ANKRD11: variants seen among roughly 807,000 people sequenced by gnomAD.
ANKRD11 encodes ankyrin repeat domain-containing protein 11.
A neutral mutation model predicts 195.7 loss-of-function variants in ANKRD11; 17 were observed. The ratio of observed to expected loss-of-function variants is 0.09; its 90% CI spans 0.06 to 0.13. The LOEUF (loss-of-function observed/expected upper bound fraction) is 0.13, where lower values mean the gene tolerates loss of function less well. Among genes scored for constraint, ANKRD11 ranks in the 10% least tolerant of loss-of-function variants. ANKRD11 has a pLI of 1.00. For missense variants in ANKRD11, 3,735 were observed against 3,566.1 expected (o/e 1.05, Z -1.21); for synonymous variants, 1,953 against 1,528.1 (o/e 1.28, Z -6.49).
chr16:89,282,302 C>T lies in ANKRD11; in HGVS notation c.4240G>A (p.Asp1414Asn), dbSNP rs749292180. The change falls in exon 9 of 13, where the codon GAT becomes AAT. Residue 1414 changes from aspartate (D) to asparagine (N), a missense_variant. Asp to Asn is a conservative substitution (Grantham distance 23). Coordinates refer to ENST00000301030, the MANE Select transcript of ANKRD11 (RefSeq NM_013275.6). ...AATTCAATGGTTTTATCTAGCTCAT[C>T]TTCTATGTCAGCTTTCATGTTGTAA... ...VSYNMKADIE[D>N]ELDKTIELFS... is the part of the protein sequence containing the mutation. The T allele has an allele frequency of 1.9e-6, 3 of 1,613,642 alleles. 1 individual carries two copies. The South Asian group carries it at 3.3e-5, about 18-fold the overall frequency.
intron 2 of ANKRD11, among the ~76,000 whole-genome samples, chr16:89,384,879 C>T (rs199901096): frequency 0.025 from 1,260 of 49,824 alleles, 34 homozygotes; most frequent in African/African-American, 0.073. Context: ...AAATAGTTTT[C>T]TTTTTTTTTT....
At chr16:89,473,369 G>C (rs977903443) in intron 1 of ANKRD11, among the ~76,000 whole-genome samples, 1 of 152,186 alleles carries the variant, frequency 6.6e-6, no homozygotes, top group African/African-American at 2.4e-5. Flanking sequence ...GACTGGACTA[G>C]AGTAGAATTC....
chr16:89,418,905 G>T (rs528116980), intron 1 of ANKRD11, among the ~76,000 whole-genome samples: 99 of 151,992 alleles, frequency 6.5e-4, no homozygotes, highest in South Asian at 5.6e-3. Flanking sequence ...GAGTAGATGG[G>T]ATTACAGGCG....
At chr16:89,384,417 G>C (rs1050495612) in intron 2 of ANKRD11, among the ~76,000 whole-genome samples, 1 of 152,060 alleles carries the variant, frequency 6.6e-6, no homozygotes, top group Non-Finnish European at 1.5e-5. Context: ...TGTAATCCCA[G>C]CTATGTGGGG....
intron 2 of ANKRD11, among the ~76,000 whole-genome samples, chr16:89,411,877 G>A (rs1464561163): frequency 6.6e-6 from 1 of 152,028 alleles, no homozygotes; most frequent in Non-Finnish European, 1.5e-5. Flanking sequence ...GCCTCCCAGA[G>A]TCTCCTGGCC....
intron 9 of ANKRD11, chr16:89,278,072 G>A (rs1486679177): frequency 1.1e-5 from 2 of 188,930 alleles, no homozygotes; most frequent in African/African-American, 4.8e-5. Flanking sequence ...ACTCAAGCGA[G>A]ACGGCTGCAT....
At chr16:89,390,365 GAGCAC>G (rs1259852662) in intron 2 of ANKRD11, among the ~76,000 whole-genome samples, 18 of 152,114 alleles carry the variant, frequency 1.2e-4, no homozygotes, top group African/African-American at 3.6e-4. Context: ...GTGTGGCGGG[GAGCAC>G]TGAGAGAGAG....
At chr16:89,320,711 T>C (rs1007765135) in intron 2 of ANKRD11, among the ~76,000 whole-genome samples, 1 of 152,172 alleles carries the variant, frequency 6.6e-6, no homozygotes, top group Admixed American at 6.5e-5. Flanking sequence ...GCCCATTACC[T>C]GGCAGCCCCG....
rs1413314762 is a variant in ANKRD11, at chr16:89,352,301, C to CT, written c.-59-35224_-59-35223insA. Among the ~76,000 whole-genome samples the CT allele has an allele frequency of 1.5e-4, 23 of 152,080 alleles. No individual in the cohort carries two copies. The East Asian group carries it at 3.3e-3, about 22-fold the overall frequency. On this transcript the variant is annotated intron_variant, in intron 2 of 12. Transcript: ENST00000301030. The stretch of plus-strand genomic sequence containing the variant: ...TCACAGTGGCCAGGTATGCATCACG[C>CT]CACGCGGTGCAGAGCCCTGGGGGAA...
chr16:89,334,144 T>TTAAAA (rs1488481148), intron 2 of ANKRD11, among the ~76,000 whole-genome samples: 1 of 41,410 alleles, frequency 2.4e-5, no homozygotes, highest in African/African-American at 9.6e-5. Context: ...CCCTGTGTTT[T>TTAAAA]AAAAAAAAAA....
At chr16:89,305,132 C>T in intron 4 of ANKRD11, 74 bp downstream of exon 4, 9 of 1,576,948 alleles carry the variant, frequency 5.7e-6, no homozygotes, top group Non-Finnish European at 7.7e-6. Flanking sequence ...GGTGCGGGGG[C>T]CAGGGACGCC....
intron 4 of ANKRD11, among the ~76,000 whole-genome samples, chr16:89,292,229 C>T (rs1428380618): frequency 2.0e-5 from 3 of 152,206 alleles, no homozygotes; most frequent in Non-Finnish European, 4.4e-5. Flanking sequence ...CCCTTCCCTT[C>T]CATTCAGCAC....
intron 11 of ANKRD11, chr16:89,273,123 A>C (rs1434438673): frequency 2.0e-5 from 3 of 151,972 alleles, no homozygotes; most frequent in Non-Finnish European, 4.4e-5. Flanking sequence ...AGTCAATAGT[A>C]ACTGCATTGT....
intron 3 of ANKRD11, among the ~76,000 whole-genome samples, chr16:89,306,941 C>A: frequency 6.6e-6 from 1 of 152,282 alleles, no homozygotes; most frequent in South Asian, 2.1e-4. Flanking sequence ...AGGAGGGAGA[C>A]GGTGCGACAC....
At chr16:89,375,544 C>T (rs71396911) in intron 2 of ANKRD11, among the ~76,000 whole-genome samples, 1 of 152,010 alleles carries the variant, frequency 6.6e-6, no homozygotes, top group African/African-American at 2.4e-5. Flanking sequence ...GCTGCAACCT[C>T]TGCCTCCCAG....
intron 1 of ANKRD11, among the ~76,000 whole-genome samples, chr16:89,477,199 T>TC (rs1386119410): frequency 2.0e-5 from 3 of 151,636 alleles, no homozygotes; most frequent in Admixed American, 6.6e-5. Flanking sequence ...TTCCCCTTTT[T>TC]TTTTTTTTTT....
At chr16:89,288,439 T>A in intron 7 of ANKRD11, 89 bp downstream of exon 7, 1 of 1,596,210 alleles carries the variant, frequency 6.3e-7, no homozygotes, top group Non-Finnish European at 8.6e-7. Flanking sequence ...CCCCACATCA[T>A]GGAACCGGCT....
At chr16:89,476,933 C>G (rs751216586) in intron 1 of ANKRD11, among the ~76,000 whole-genome samples, 1 of 152,148 alleles carries the variant, frequency 6.6e-6, no homozygotes, top group Non-Finnish European at 1.5e-5. Context: ...CGGGCACAGA[C>G]TGGAACACAT....
chr16:89,283,623 C>T lies in ANKRD11; in HGVS notation c.2919G>A (p.Arg973=). ...CGCAGCCACACTCCTTCAGCTCCTC[C>T]CGGTGCGCCTCCTCGGGCTTGGCCC... is the stretch of plus-strand genomic sequence containing the variant. ...DGRAKPEEAH[R]EELKECGCES... Residue 973 remains arginine (R), a synonymous_variant, in exon 9 of 13, where the codon CGG becomes CGA. Coordinates refer to ENST00000301030, the MANE Select transcript of ANKRD11 (RefSeq NM_013275.6). The surrounding 1 kb of genome is among the most constrained non-coding windows in gnomAD (Gnocchi z 4.3). 6.2e-7 allele frequency: 1 copy of T among 1,610,420 alleles called. No homozygotes were observed. Among genetic ancestry groups the T allele is most frequent in the Non-Finnish European group, 8.5e-7 (1 of 1,179,900 alleles).
Sources: gnomAD v4.1 joint callset for allele counts (sites outside exome capture counted in the v4.1 genomes callset) on GRCh38, gnomAD v4.1.1 for gene constraint, Gnocchi (gnomAD v3.1) non-coding constraint, MANE v1.5 for transcripts, NCBI Gene and HGNC (gene_info 2026-07-23, HGNC 2026-07-21) for gene names.